Variants in TG observed in about 807,000 individuals in gnomAD.
TG encodes the protein thyroid hormones.
Under a neutral mutation model 324.7 loss-of-function variants are expected in TG, and 270 were observed. That is an observed-to-expected ratio of 0.83 (90% CI 0.75 to 0.92). The LOEUF is 0.92. TG is among the 40% of genes least tolerant of loss of function. The pLI is 0.00. For missense variants in TG, 3,591 were observed against 3,456.4 expected, an observed-to-expected ratio of 1.04 and a Z score of -0.98; for synonymous variants, 1,401 against 1,327.0, an observed-to-expected ratio of 1.06 and a Z score of -1.21.
At chr8:133,093,623 A>C (rs1020611858) in intron 41 of TG, among the ~76,000 whole-genome samples, 2 of 151,948 alleles carry the variant, frequency 1.3e-5, no homozygotes, top group Non-Finnish European at 2.9e-5. Flanking sequence ...AATTCCATGC[A>C]CTTGTGTTTT....
At chr8:133,054,707 A>T (rs149055815) in intron 41 of TG, among the ~76,000 whole-genome samples, 1 of 152,374 alleles carries the variant, frequency 6.6e-6, no homozygotes, top group East Asian at 1.9e-4. Flanking sequence ...ACAGAAGATG[A>T]AATTCAAAAG....
chr8:132,976,347 C>G (rs1830172199), intron 34 of TG, among the ~76,000 whole-genome samples: 1 of 152,196 alleles, frequency 6.6e-6, no homozygotes, highest in African/African-American at 2.4e-5. Context: ...GAAAGGGGAC[C>G]AAACTTGCCA....
chr8:133,057,852 A>T (rs1841745621), intron 41 of TG, among the ~76,000 whole-genome samples: 1 of 151,904 alleles, frequency 6.6e-6, no homozygotes, highest in Admixed American at 6.6e-5. Flanking sequence ...GAGAAGAATG[A>T]TCTCCCAAAA....
At chr8:132,882,115 T>G in intron 6 of TG, 146 bp downstream of exon 6, 1 of 657,018 alleles carries the variant, frequency 1.5e-6, no homozygotes. Flanking sequence ...GACACAACCT[T>G]AGCAAACTGT....
At chr8:132,906,289 C>T (rs1046443435) in intron 16 of TG, among the ~76,000 whole-genome samples, 15 of 152,096 alleles carry the variant, frequency 9.9e-5, no homozygotes, top group Middle Eastern at 6.8e-3. Context: ...GGCTGGGTGG[C>T]TGGTGGTACT....
intron 27 of TG, among the ~76,000 whole-genome samples, chr8:132,950,541 C>T (rs901769408): frequency 6.6e-6 from 1 of 152,220 alleles, no homozygotes; most frequent in Non-Finnish European, 1.5e-5. Context: ...TGACTACCCA[C>T]AGGGCTTAGT....
intron 41 of TG, among the ~76,000 whole-genome samples, chr8:133,089,255 T>C (rs4612318): frequency 0.28 from 43,319 of 152,140 alleles, 6,892 homozygotes; most frequent in African/African-American, 0.41. Context: ...CTGTTCCGCA[T>C]ATGGTGTTCC....
chr8:133,034,306 T>A (rs1340500267), intron 41 of TG, among the ~76,000 whole-genome samples: 1 of 152,236 alleles, frequency 6.6e-6, no homozygotes, highest in Middle Eastern at 3.2e-3. Flanking sequence ...TAGGTCTTTT[T>A]GTACAGTTTT....
chr8:132,935,953 G>T, intron 25 of TG, 89 bp downstream of exon 25: 1 of 997,828 alleles, frequency 1.0e-6, no homozygotes, highest in South Asian at 1.4e-5. Context: ...ATGTGAGGAG[G>T]AGCCAGACTG....
At chr8:132,868,925 C>G (rs1441915924) in intron 2 of TG, among the ~76,000 whole-genome samples, 1 of 152,220 alleles carries the variant, frequency 6.6e-6, no homozygotes, top group African/African-American at 2.4e-5. Flanking sequence ...ATTTATATAA[C>G]TGCGTTCTGG....
chr8:132,886,010 C>G (rs1032038484), intron 8 of TG, among the ~76,000 whole-genome samples: 1 of 152,176 alleles, frequency 6.6e-6, no homozygotes, highest in Non-Finnish European at 1.5e-5. Flanking sequence ...CCACCCTAAT[C>G]CAGTATGACA....
At chr8:133,028,559 G>A (rs535445569) in intron 40 of TG, among the ~76,000 whole-genome samples, 2 of 152,320 alleles carry the variant, frequency 1.3e-5, no homozygotes, top group South Asian at 4.1e-4. Context: ...TTTATGACAA[G>A]CACGGTTCTG....
At chr8:133,038,692 G>T in intron 41 of TG, 4 of 1,614,058 alleles carry the variant, frequency 2.5e-6, no homozygotes, top group Non-Finnish European at 3.4e-6. Context: ...AAAGGGACTC[G>T]TCTACCCCAA....
At chr8:132,951,990 G>A (rs1290376081) in intron 27 of TG, among the ~76,000 whole-genome samples, 5 of 152,150 alleles carry the variant, frequency 3.3e-5, no homozygotes. Flanking sequence ...GGGTGCTAGG[G>A]ACAATAAAGA....
At chr8:133,076,741 C>T (rs1249674129) in intron 41 of TG, 1 of 124,192 alleles carries the variant, frequency 8.1e-6, no homozygotes, top group Admixed American at 8.8e-5. Flanking sequence ...GCATATTCCA[C>T]AAACTGGGAT....
At chr8:132,898,411 G>A (rs942082110) in intron 13 of TG, among the ~76,000 whole-genome samples, 165 bp downstream of exon 13, 4 of 152,178 alleles carry the variant, frequency 2.6e-5, no homozygotes, top group Non-Finnish European at 5.9e-5. Flanking sequence ...GCAAGCTTGC[G>A]CTGACCTTGG....
chr8:133,113,291 G>A (rs1198066713), intron 43 of TG, 131 bp from the exon 44 acceptor site: 8 of 1,003,806 alleles, frequency 8.0e-6, no homozygotes, highest in South Asian at 6.8e-5. Flanking sequence ...AGACAGTCTG[G>A]CTTCCACTTG....
chr8:132,870,435 T>A (rs1221891215), intron 3 of TG, among the ~76,000 whole-genome samples: 1 of 148,746 alleles, frequency 6.7e-6, no homozygotes, highest in Non-Finnish European at 1.5e-5. Context: ...CTTGGCTGAG[T>A]CAGGCATCCT....
At chr8:132,875,066 G>A (rs896179608) in intron 5 of TG, among the ~76,000 whole-genome samples, 4 of 152,130 alleles carry the variant, frequency 2.6e-5, no homozygotes, top group Non-Finnish European at 4.4e-5. Flanking sequence ...GTTCCCATCC[G>A]TCAAATGGAA....
Sources: gnomAD v4.1 joint callset for allele counts (sites outside exome capture counted in the v4.1 genomes callset) on GRCh38, gnomAD v4.1.1 for gene constraint, MANE v1.5 for transcripts, NCBI Gene and HGNC (gene_info 2026-07-23, HGNC 2026-07-21) for gene names.